ZNF28: variants seen among roughly 807,000 people sequenced by gnomAD.
ZNF28 encodes zinc finger protein KOX24.
In ZNF28, 5 loss-of-function variants were observed where a neutral mutation model predicts 7.2. That is an observed-to-expected ratio of 0.70 (90% CI 0.36 to 1.46). The LOEUF (loss-of-function observed/expected upper bound fraction) is 1.46, where lower values mean the gene tolerates loss of function less well. ZNF28 is among the 40% of genes most tolerant of loss of function. The pLI, the probability that ZNF28 is intolerant of heterozygous loss-of-function variation, is 0.03. For synonymous variants in ZNF28, 288 were observed against 292.4 expected (o/e 0.99, Z 0.15); for missense variants, 879 against 866.6 (o/e 1.01, Z -0.18).
chr19:52,812,762 TAAAAAAAAA>T (rs56944474), intron 2 of ZNF28, among the ~76,000 whole-genome samples: 12,953 of 75,824 alleles, frequency 0.17, 959 homozygotes, highest in South Asian at 0.33. Flanking sequence ...GAATGATCAA[TAAAAAAAAA>T]AAAAAAAAAA....
chr19:52,806,614 A>G (rs1160203053), intron 3 of ZNF28, among the ~76,000 whole-genome samples: 1 of 133,936 alleles, frequency 7.5e-6, no homozygotes, highest in Non-Finnish European at 1.5e-5. Context: ...TTAAAATAAT[A>G]ACAATGGTTA....
rs60576558 is a variant in ZNF28 at position 52,807,754 on chromosome 19, C to T, written c.142+253G>A. ...CCTCCCAAGGTGCTGGGATAACAGG[C>T]GTGAGCCACCACGACCAGGCTGCCA... On this transcript the variant is annotated intron_variant, in intron 3 of 3. Transcript: ENST00000457749. The T allele has an allele frequency of 4.0e-5, 24 of 604,124 alleles. 1 individual carries two copies. The highest frequency in any genetic ancestry group is 6.8e-5 in the Admixed American group (2 of 29,262). 37.4% of individuals were successfully genotyped at this position (604,124 alleles called of 1,614,324 possible).
chr19:52,809,997 G>T (rs967793926), intron 2 of ZNF28: 2 of 764,632 alleles, frequency 2.6e-6, no homozygotes. Context: ...ACTGGAGCCT[G>T]AGGAGCTGCT....
intron 2 of ZNF28, among the ~76,000 whole-genome samples, chr19:52,812,787 A>AAAAAAAG (rs1462866089): frequency 4.6e-5 from 6 of 130,968 alleles, no homozygotes; most frequent in African/African-American, 1.7e-4. Flanking sequence ...AAAAAAAAAA[A>AAAAAAAG]GTTTTAAGTG....
At position 52,816,562 on chromosome 19, in the gene ZNF28, G is replaced by C. The variant is rs1436357576; in HGVS notation, c.15+1382C>G. ...GCCTGTAGTCCCAGCTACTTGGGAG[G>C]CTGAGGCAGGAGAATGGCATGAACC... On this transcript the variant is annotated intron_variant, in intron 2 of 3. Transcript: ENST00000457749. 6.2e-5 allele frequency among the ~76,000 whole-genome samples: 9 copies of C among 145,328 alleles called. 2 individuals carry two copies. The highest frequency in any genetic ancestry group is 2.4e-4 in the African/African-American group (9 of 37,018).
rs752375378 is a variant in ZNF28 at position 52,808,113 on chromosome 19, G to A, written c.36C>T (p.Asp12=). Residue 12 remains aspartate (D), a synonymous_variant, in exon 3 of 4, where the codon GAC becomes GAT. Coordinates refer to ENST00000457749, the MANE Select transcript of ZNF28 (RefSeq NM_006969.5). ...CCTCCTGAGAGAATTCTATGGCCACGTCCCTGAATGTCAATAGACCCTGAA... is the reference window on the plus strand; with the variant it reads ...CCTCCTGAGAGAATTCTATGGCCACATCCCTGAATGTCAATAGACCCTGAA... The part of the protein sequence containing the change: ...ALPQGLLTFR[D]VAIEFSQEEW... The A allele has an allele frequency of 3.4e-5, 55 of 1,613,074 alleles. No homozygotes were observed. Among genetic ancestry groups the A allele is most frequent in the Admixed American group, 3.2e-4 (19 of 59,936 alleles).
Position 52,812,898 on chromosome 19 carries a change from C to A in ZNF28, c.16-4765G>T, listed in dbSNP as rs1209691777. Among the ~76,000 whole-genome samples, 8 of 151,520 alleles carry A rather than the reference C, an allele frequency of 5.3e-5. No individual in the cohort carries two copies. The East Asian group carries it at 1.6e-3, about 29-fold the overall frequency. The stretch of plus-strand genomic sequence containing the variant: ...ATAGTTTTAAGGCTACTTAAAAGGT[C>A]CCTATGTCCAAAGAATACCCTCTCT... On this transcript the variant is annotated intron_variant, in intron 2 of 3. Transcript: ENST00000457749.
In ZNF28 at chr19:52,812,158, C is replaced by A; in HGVS notation, c.16-4025G>T. Among the ~76,000 whole-genome samples the A allele has an allele frequency of 1.6e-5, 2 of 126,384 alleles. 1 individual carries two copies. The highest frequency in any genetic ancestry group is 5.4e-4 in the South Asian group (2 of 3,714). The allele number at this position is 126,384 out of a possible 152,430, so 82.9% of individuals were successfully genotyped here. ...GAGGGTGGTGGGGGGGTCAGCCCCC[C>A]GCCCGGCCAGCCGCCCCATCTGGGA... On this transcript the variant is annotated intron_variant, in intron 2 of 3. Transcript: ENST00000457749.
chr19:52,810,587 C>T (rs566303876), intron 2 of ZNF28: 24 of 1,581,318 alleles, frequency 1.5e-5, no homozygotes, highest in East Asian at 4.5e-5. Flanking sequence ...AGCCCGCTAC[C>T]GCGCCCGACC....
Position 52,816,021 on chromosome 19 carries a change from G to A in ZNF28, c.15+1923C>T, listed in dbSNP as rs188334653. Among the ~76,000 whole-genome samples, 45 of 146,768 alleles carry A rather than the reference G, an allele frequency of 3.1e-4. 4 individuals carry two copies. The highest frequency in any genetic ancestry group is 1.1e-3 in the African/African-American group (43 of 37,974). On this transcript the variant is annotated intron_variant, in intron 2 of 3. Transcript: ENST00000457749. ...TTTTTTAAAGTCTCATAATGATGCA[G>A]AAATACACGTGTACGAGACTCGCTC...
At position 52,800,225 on chromosome 19, in the gene ZNF28, A is replaced by G. The variant is rs1568645088; in HGVS notation, c.1620T>C (p.Cys540=). The G allele has an allele frequency of 6.2e-7, 1 of 1,612,100 alleles. No homozygotes were observed. Among genetic ancestry groups the G allele is most frequent in the Middle Eastern group, 1.7e-4 (1 of 6,044 alleles). ...TCTCTGCAGTATGAAGTTTATGATG[A>G]CATGCAAGGTTTGCTTTTGTACTAA... is the stretch of plus-strand genomic sequence containing the variant. ...KVFSTKANLA[C]HHKLHTAEKP... The change falls in exon 4 of 4, where the codon TGT becomes TGC. Residue 540 remains cysteine (C), a synonymous_variant. Coordinates refer to ENST00000457749, the MANE Select transcript of ZNF28 (RefSeq NM_006969.5).
chr19:52,803,802 C>G (rs2062903308), intron 3 of ZNF28, among the ~76,000 whole-genome samples: 1 of 151,734 alleles, frequency 6.6e-6, no homozygotes, highest in South Asian at 2.1e-4. Flanking sequence ...ACTAAAAATA[C>G]AAAAAAATTA....
chr19:52,809,908 T>C (rs1169367694), intron 2 of ZNF28: 1 of 827,306 alleles, frequency 1.2e-6, no homozygotes, highest in Non-Finnish European at 2.0e-6. Flanking sequence ...CGCCATCTTG[T>C]GCCCGGGGCC....
chr19:52,808,178 T>C, intron 2 of ZNF28, 45 bp from the exon 3 acceptor site: 1 of 1,605,186 alleles, frequency 6.2e-7, no homozygotes, highest in Non-Finnish European at 8.5e-7. Context: ...GGTGGAGTTC[T>C]TATCTTTACA....
intron 2 of ZNF28, among the ~76,000 whole-genome samples, chr19:52,809,103 G>A (rs2147643908): frequency 6.6e-6 from 1 of 152,282 alleles, no homozygotes; most frequent in East Asian, 1.9e-4. Context: ...TAACTGAAGA[G>A]GAATCTCATC....
In ZNF28 at chr19:52,816,336, T is replaced by C. The variant is rs1486546458; in HGVS notation, c.15+1608A>G. Among the ~76,000 whole-genome samples, 8 of 146,328 alleles carry C rather than the reference T, an allele frequency of 5.5e-5. No individual in the cohort carries two copies. The East Asian group carries it at 1.6e-3, about 29-fold the overall frequency. On this transcript the variant is annotated intron_variant, in intron 2 of 3. Transcript: ENST00000457749. ...GAGTTCGAGGCCAGCCTGGCCAACA[T>C]GGTGAAACCCTGTTTCTACTAAAAA...
intron 1 of ZNF28, among the ~76,000 whole-genome samples, chr19:52,819,232 A>G (rs1054263585): frequency 7.5e-6 from 1 of 133,988 alleles, no homozygotes; most frequent in African/African-American, 2.9e-5. Context: ...GCCAAAGTGA[A>G]GAGTTGGGCT....
Position 52,799,832 on chromosome 19 carries a change from A to C in ZNF28, c.2013T>G (p.Val671=), listed in dbSNP as rs369479807. The change falls in exon 4 of 4, where the codon GTT becomes GTG. Residue 671 remains valine (V), a synonymous_variant. Coordinates refer to ENST00000457749, the MANE Select transcript of ZNF28 (RefSeq NM_006969.5). ...GTGCAAGGTGTGCTTGTTGATTAAAAACCTTGCCACATTCATTACACTTGT... is the reference window on the plus strand; with the variant it reads ...GTGCAAGGTGTGCTTGTTGATTAAACACCTTGCCACATTCATTACACTTGT... The part of the protein sequence containing the change: ...KPYKCNECGK[V]FNQQAHLAQH... 3.7e-5 allele frequency: 59 copies of C among 1,610,784 alleles called. 1 individual carries two copies. Among genetic ancestry groups the C allele is most frequent in the Non-Finnish European group, 4.9e-5 (58 of 1,179,428 alleles).
chr19:52,815,074 T>C (rs1448993562), intron 2 of ZNF28, among the ~76,000 whole-genome samples: 3 of 108,978 alleles, frequency 2.8e-5, no homozygotes, highest in Non-Finnish European at 3.9e-5. Flanking sequence ...TGTATAGATA[T>C]GTGTGTATGT....
Sources: gnomAD v4.1 joint callset for allele counts (sites outside exome capture counted in the v4.1 genomes callset) on GRCh38, gnomAD v4.1.1 for gene constraint, MANE v1.5 for transcripts, NCBI Gene and HGNC (gene_info 2026-07-23, HGNC 2026-07-21) for gene names.